BCAS3: variants seen among roughly 807,000 people sequenced by gnomAD.
BCAS3 encodes BCAS4/BCAS3 fusion.
In BCAS3, 53 loss-of-function variants were observed where a neutral mutation model predicts 116.1. That is an observed-to-expected ratio of 0.46 (90% confidence interval 0.37 to 0.57). The LOEUF is 0.57. Ranked by LOEUF, BCAS3 falls within the 20% of genes least tolerant of loss-of-function variation. BCAS3 has a pLI of 0.00. For synonymous variants in BCAS3, 391 were observed against 408.2 expected (o/e 0.96, Z 0.51); for missense variants, 917 against 1,165.4 (o/e 0.79, Z 3.10).
In BCAS3 at chr17:60,747,325, C is replaced by T. The variant is rs939423907; in HGVS notation, c.403+46C>T. 25 of 1,499,756 alleles carry T rather than the reference C, an allele frequency of 1.7e-5. No individual in the cohort carries two copies. In the African/African-American group the frequency reaches 1.8e-4, roughly 11 times the overall value. 92.9% of individuals were successfully genotyped at this position (1,499,756 alleles called of 1,614,324 possible). A position where few individuals can be genotyped will look rare whatever the true frequency, so the allele number is the denominator to read the frequency against. ...AAGAATCTTTCAGAAAAGAGTTTCTCTTTTGTTGGTCTTGGACTACAGGCA... is the reference window on the plus strand; with the variant it reads ...AAGAATCTTTCAGAAAAGAGTTTCTTTTTTGTTGGTCTTGGACTACAGGCA... On this transcript the variant is annotated intron_variant, in intron 6 of 23. Coordinates refer to ENST00000407086, the MANE Select transcript of BCAS3 (RefSeq NM_017679.5).
In BCAS3 at chr17:61,339,486, G is replaced by A. The variant is rs1445185678; in HGVS notation, c.2426-28841G>A. On this transcript the variant is annotated intron_variant, in intron 22 of 23. Transcript: ENST00000407086. This position sits in a 1 kb window ranked among gnomAD's most constrained non-coding sequence, Gnocchi z 4.4. ...ATCTCAGCATCTAAAGACTGAGGAG[G>A]CTGGAAACATTGGCTCAAGCCTGTA... Among the ~76,000 whole-genome samples the A allele has an allele frequency of 6.6e-6, 1 of 152,174 alleles. No individual in the cohort carries two copies. The highest frequency in any genetic ancestry group is 1.5e-5 in the Non-Finnish European group (1 of 68,020).
At chr17:61,045,608 G>A (rs947542805) in intron 19 of BCAS3, among the ~76,000 whole-genome samples, 1 of 149,724 alleles carries the variant, frequency 6.7e-6, no homozygotes, top group Non-Finnish European at 1.5e-5. Context: ...TTGAAGCCAG[G>A]AGTTTGATAT....
rs1224610455 is a variant in BCAS3, at chr17:61,349,461, GATT to G, written c.2426-18862_2426-18860del. Among the ~76,000 whole-genome samples, 8 of 147,964 alleles carry G rather than the reference GATT, an allele frequency of 5.4e-5. No homozygotes were observed. Among genetic ancestry groups the G allele is most frequent in the Admixed American group, 3.4e-4 (5 of 14,802 alleles). ...AACTGAGTGGGAAATTCTGCACTTAGATTATTGGTCCAGTGGAAATTCTGCACT... is the reference window on the plus strand; with the variant it reads ...AACTGAGTGGGAAATTCTGCACTTAGATTGGTCCAGTGGAAATTCTGCACT... On this transcript the variant is annotated intron_variant, in intron 22 of 23. Coordinates refer to ENST00000407086, the MANE Select transcript of BCAS3 (RefSeq NM_017679.5). The surrounding 1 kb of genome is among the most constrained non-coding windows in gnomAD (Gnocchi z 4.7).
At position 61,034,901 on chromosome 17, in the gene BCAS3, T is replaced by A; in HGVS notation, c.1762+111T>A. 9.9e-7 allele frequency: 1 copy of A among 1,013,794 alleles called. No homozygotes were observed. The highest frequency in any genetic ancestry group is 1.4e-6 in the Non-Finnish European group (1 of 699,134). The allele number at this position is 1,013,794 out of a possible 1,614,324, so 62.8% of individuals were successfully genotyped here. A position where few individuals can be genotyped will look rare whatever the true frequency, so the allele number is the denominator to read the frequency against. Reference sequence around the variant, plus strand: ...TTGTACCCAGTAGTCTGGAAACCAATTTTTTTAATGTAATTAGCATGTCAC... The same window carrying A: ...TTGTACCCAGTAGTCTGGAAACCAAATTTTTTAATGTAATTAGCATGTCAC... On this transcript the variant is annotated intron_variant, in intron 17 of 23. Transcript: ENST00000407086. The surrounding 1 kb of genome is among the most constrained non-coding windows in gnomAD (Gnocchi z 5.0).
At chr17:61,015,099 A>C (rs1370394554) in intron 15 of BCAS3, among the ~76,000 whole-genome samples, 4 of 152,174 alleles carry the variant, frequency 2.6e-5, no homozygotes, top group African/African-American at 7.2e-5. Flanking sequence ...CCCTATCAAA[A>C]ACTCAGCTGG....
At chr17:60,989,477 TTG>T (rs1409755075) in intron 14 of BCAS3, among the ~76,000 whole-genome samples, 1 of 145,328 alleles carries the variant, frequency 6.9e-6, no homozygotes, top group African/African-American at 2.8e-5. Flanking sequence ...GTAAATAAAG[TTG>T]TTTTTTTTTT....
intron 1 of BCAS3, among the ~76,000 whole-genome samples, chr17:60,678,918 C>T (rs2143777385): frequency 6.6e-6 from 1 of 152,244 alleles, no homozygotes; most frequent in East Asian, 1.9e-4. Flanking sequence ...GTTCTGAGAC[C>T]TGGTCCTATT....
intron 22 of BCAS3, among the ~76,000 whole-genome samples, chr17:61,123,495 C>T (rs1296534945): frequency 6.6e-6 from 1 of 152,006 alleles, no homozygotes; most frequent in Non-Finnish European, 1.5e-5. Context: ...TAGACAAAGA[C>T]CCTATCTGTT....
chr17:60,819,837 A>G (rs1467665448), intron 7 of BCAS3, among the ~76,000 whole-genome samples: 1 of 151,610 alleles, frequency 6.6e-6, no homozygotes, highest in Non-Finnish European at 1.5e-5. Context: ...ATCCTAGCTC[A>G]CTGTAGCCTC....
chr17:61,011,294 G>T (rs2065098736), intron 15 of BCAS3, among the ~76,000 whole-genome samples: 1 of 151,986 alleles, frequency 6.6e-6, no homozygotes, highest in Non-Finnish European at 1.5e-5. Flanking sequence ...CTTCATCTAG[G>T]TCCAAGGCAG....
chr17:60,949,262 G>T (rs921782281), intron 14 of BCAS3, among the ~76,000 whole-genome samples: 1 of 151,726 alleles, frequency 6.6e-6, no homozygotes, highest in African/African-American at 2.4e-5. Context: ...ATTATTAGTA[G>T]TAGTAGTATT....
At chr17:60,974,916 G>T (rs1427325929) in intron 14 of BCAS3, among the ~76,000 whole-genome samples, 1 of 151,846 alleles carries the variant, frequency 6.6e-6, no homozygotes, top group Non-Finnish European at 1.5e-5. Context: ...TGAATGGAAG[G>T]AAACTTAATA....
intron 11 of BCAS3, among the ~76,000 whole-genome samples, chr17:60,903,478 T>C (rs2058027138): frequency 6.6e-6 from 1 of 152,236 alleles, no homozygotes. Context: ...CCTATAGCAC[T>C]ATGAGTTTTT....
chr17:61,254,777 G>GCAAAAAAAAAAAA, intron 22 of BCAS3, among the ~76,000 whole-genome samples: 1 of 73,528 alleles, frequency 1.4e-5, no homozygotes, highest in Non-Finnish European at 2.2e-5. Flanking sequence ...CTCCGTCTCA[G>GCAAAAAAAAAAAA]AAAAAAAAAA....
rs1467840990 is a variant in BCAS3, at chr17:61,141,900, A to G, written c.2425+57336A>G. On this transcript the variant is annotated intron_variant, in intron 22 of 23. Transcript: ENST00000407086. The surrounding 1 kb of genome is among the most constrained non-coding windows in gnomAD (Gnocchi z 4.3). ...TGGTGACAGAGCGAGACCCCACCTC[A>G]AGAAAAAAAAAAAAAAAAAAGTTAG... 3.8e-5 allele frequency among the ~76,000 whole-genome samples: 1 copy of G among 26,086 alleles called. No individual in the cohort carries two copies. Among genetic ancestry groups the G allele is most frequent in the Non-Finnish European group, 1.7e-4 (1 of 5,776 alleles). 17.1% of individuals were successfully genotyped at this position (26,086 alleles called of 152,430 possible).
intron 22 of BCAS3, among the ~76,000 whole-genome samples, chr17:61,133,748 C>A (rs1312653509): frequency 2.0e-5 from 3 of 149,630 alleles, no homozygotes; most frequent in African/African-American, 7.4e-5. Flanking sequence ...ATCAGAAAAA[C>A]CAGATAGAAA....
chr17:61,134,159 TA>T lies in BCAS3; in HGVS notation c.2425+49599del, dbSNP rs1317472077. Among the ~76,000 whole-genome samples the T allele has an allele frequency of 1.3e-5, 2 of 152,156 alleles. No individual in the cohort carries two copies. Among genetic ancestry groups the T allele is most frequent in the Non-Finnish European group, 2.9e-5 (2 of 68,036 alleles). ...TATAGTCTGGCCAGTATGAATTAAA[TA>T]AAAGTCACATTCATAATGAACACTG... On this transcript the variant is annotated intron_variant, in intron 22 of 23. Transcript: ENST00000407086. The surrounding 1 kb of genome is among the most constrained non-coding windows in gnomAD (Gnocchi z 4.6).
intron 7 of BCAS3, among the ~76,000 whole-genome samples, chr17:60,861,848 A>T (rs929070674): frequency 6.6e-6 from 1 of 152,182 alleles, no homozygotes; most frequent in Non-Finnish European, 1.5e-5. Flanking sequence ...TTACTTGATC[A>T]TGGTGGATTA....
At chr17:61,010,068 C>CTTTTT (rs1189821266) in intron 15 of BCAS3, among the ~76,000 whole-genome samples, 6 of 111,014 alleles carry the variant, frequency 5.4e-5, no homozygotes, top group African/African-American at 6.9e-5. Context: ...CAGACTCTGT[C>CTTTTT]TTTTTTTTTT....
Sources: allele counts gnomAD v4.1 joint callset (sites outside exome capture counted in the v4.1 genomes callset), GRCh38; gene constraint gnomAD v4.1.1; non-coding constraint Gnocchi (gnomAD v3.1); transcripts MANE v1.5; gene names NCBI Gene and HGNC (gene_info 2026-07-23, HGNC 2026-07-21).